Variants in TPTE observed in about 807,000 individuals in gnomAD.
The protein encoded by TPTE is putative tyrosine-protein phosphatase TPTE.
In TPTE, 59 loss-of-function variants were observed where a neutral mutation model predicts 84.1. That is an observed-to-expected ratio of 0.70 (90% CI 0.57 to 0.87). The LOEUF is 0.87. Ranked by LOEUF, TPTE falls within the 40% of genes least tolerant of loss-of-function variation. TPTE has a pLI of 0.00. For missense variants in TPTE, 382 were observed against 659.6 expected, an observed-to-expected ratio of 0.58 and a Z score of 4.61; for synonymous variants, 130 against 223.5, an observed-to-expected ratio of 0.58 and a Z score of 3.73.
At chr21:10,582,674 G>A (rs1415623613) in intron 17 of TPTE, among the ~76,000 whole-genome samples, 1 of 152,310 alleles carries the variant, frequency 6.6e-6, no homozygotes, top group Non-Finnish European at 1.5e-5. Context: ...ACTGAAAATG[G>A]AATCTCTTTT....
chr21:10,558,928 G>C (rs212130), intron 8 of TPTE, among the ~76,000 whole-genome samples: 20,236 of 142,966 alleles, frequency 0.14, no homozygotes, highest in Middle Eastern at 0.16. Context: ...CCAGTCTTTC[G>C]GGTGTTTCTC....
intron 19 of TPTE, among the ~76,000 whole-genome samples, chr21:10,594,514 G>C (rs2075544191): frequency 6.6e-6 from 1 of 152,310 alleles, no homozygotes; most frequent in Non-Finnish European, 1.5e-5. Flanking sequence ...AGTCCATGTT[G>C]TTTTAAGTTG....
chr21:10,575,594 CT>C (rs1402979353), intron 14 of TPTE, among the ~76,000 whole-genome samples: 42 of 152,272 alleles, frequency 2.8e-4, no homozygotes, highest in Non-Finnish European at 5.4e-4. Context: ...CTCCAGCCAC[CT>C]CTTGCAGGTA....
chr21:10,523,829 G>C (rs1281060234), intron 1 of TPTE, among the ~76,000 whole-genome samples: 2 of 152,306 alleles, frequency 1.3e-5, no homozygotes, highest in Admixed American at 6.5e-5. Flanking sequence ...GGGATGGCTG[G>C]GTCAAATGGT....
At chr21:10,547,322 T>C (rs2074487380) in intron 7 of TPTE, among the ~76,000 whole-genome samples, 1 of 152,310 alleles carries the variant, frequency 6.6e-6, no homozygotes, top group African/African-American at 2.4e-5. Context: ...ACATCTGTGG[T>C]GACTGAAAGT....
At chr21:10,522,460 G>A (rs959256916) in intron 1 of TPTE, among the ~76,000 whole-genome samples, 6 of 152,306 alleles carry the variant, frequency 3.9e-5, no homozygotes, top group Admixed American at 1.3e-4. Context: ...GCGGGCGGAG[G>A]GGGGACGTCG....
intron 1 of TPTE, among the ~76,000 whole-genome samples, chr21:10,522,154 A>C (rs1265975120): frequency 1.3e-5 from 2 of 152,146 alleles, no homozygotes; most frequent in African/African-American, 4.8e-5. Context: ...GTCCCCCCCC[A>C]GGATGACCTG....
At chr21:10,575,603 G>T (rs1304851879) in intron 14 of TPTE, among the ~76,000 whole-genome samples, 2 of 152,426 alleles carry the variant, frequency 1.3e-5, no homozygotes, top group Non-Finnish European at 1.5e-5. Flanking sequence ...CCTCTTGCAG[G>T]TATGTGCGGG....
intron 19 of TPTE, among the ~76,000 whole-genome samples, chr21:10,593,007 A>T: frequency 6.6e-6 from 1 of 152,306 alleles, no homozygotes; most frequent in Non-Finnish European, 1.5e-5. Flanking sequence ...TTTTAGAAAC[A>T]TTTTGTTATG....
In TPTE at chr21:10,545,857, G is replaced by A. The variant is rs527886202; in HGVS notation, c.173+2475G>A. Among the ~76,000 whole-genome samples, 38 of 151,780 alleles carry A rather than the reference G, an allele frequency of 2.5e-4. No individual in the cohort carries two copies. In the South Asian group the frequency reaches 3.3e-3, roughly 13 times the overall value. On this transcript the variant is annotated intron_variant, in intron 7 of 23. Transcript: ENST00000618007. ...TATCTATATATAGATATATTCTTTA[G>A]CACTAACCCAAATAACATCAGTAGT...
chr21:10,593,135 A>T (rs1030354696), intron 19 of TPTE, among the ~76,000 whole-genome samples: 1 of 152,274 alleles, frequency 6.6e-6, no homozygotes, highest in Non-Finnish European at 1.5e-5. Context: ...ATTCTTTCCC[A>T]CTCCACTCAC....
intron 20 of TPTE, 41 bp from the exon 21 acceptor site, chr21:10,597,974 G>C: frequency 6.2e-7 from 1 of 1,608,662 alleles, no homozygotes; most frequent in Non-Finnish European, 8.5e-7. Flanking sequence ...TGATGTTCAC[G>C]CTAGCCAACC....
chr21:10,547,681 C>T (rs2074494006), intron 7 of TPTE, among the ~76,000 whole-genome samples: 1 of 152,312 alleles, frequency 6.6e-6, no homozygotes, highest in Non-Finnish European at 1.5e-5. Flanking sequence ...GGCCAGTAGC[C>T]ACTGTGCCTC....
At chr21:10,526,067 A>G (rs1303585269) in intron 2 of TPTE, among the ~76,000 whole-genome samples, 8 of 152,304 alleles carry the variant, frequency 5.3e-5, no homozygotes, top group African/African-American at 1.7e-4. Flanking sequence ...CCCTGTTATG[A>G]TTTATTAGTG....
chr21:10,544,993 CAAAT>C (rs1263990077), intron 7 of TPTE, among the ~76,000 whole-genome samples: 8 of 152,400 alleles, frequency 5.2e-5, no homozygotes, highest in Admixed American at 2.0e-4. Flanking sequence ...TACCATGTTT[CAAAT>C]AAATAACTGA....
chr21:10,567,261 A>G (rs1169502214), intron 10 of TPTE, among the ~76,000 whole-genome samples: 1 of 152,308 alleles, frequency 6.6e-6, no homozygotes, highest in Non-Finnish European at 1.5e-5. Flanking sequence ...ATTTGATAGC[A>G]CAACAGATTG....
chr21:10,599,830 G>C (rs867242597), intron 21 of TPTE, among the ~76,000 whole-genome samples: 3 of 140,496 alleles, frequency 2.1e-5, no homozygotes, highest in African/African-American at 5.1e-5. Context: ...TTAGTTAGTT[G>C]GTTCTTTCTT....
chr21:10,546,419 T>A (rs1055219575), intron 7 of TPTE, among the ~76,000 whole-genome samples: 14 of 152,308 alleles, frequency 9.2e-5, no homozygotes, highest in Non-Finnish European at 1.8e-4. Context: ...AGCCATTTAG[T>A]AAGCCTATGA....
intron 7 of TPTE, among the ~76,000 whole-genome samples, chr21:10,545,763 A>G (rs1600877748): frequency 6.6e-6 from 1 of 151,754 alleles, no homozygotes; most frequent in African/African-American, 2.4e-5. Context: ...ATAGATATAG[A>G]TACACATATC....
Sources: gnomAD v4.1 joint callset for allele counts (sites outside exome capture counted in the v4.1 genomes callset) on GRCh38, gnomAD v4.1.1 for gene constraint, MANE v1.5 for transcripts, NCBI Gene and HGNC (gene_info 2026-07-23, HGNC 2026-07-21) for gene names.